CSMD3: variants seen among roughly 807,000 people sequenced by gnomAD.
CSMD3 encodes CUB and sushi domain-containing protein 3.
CSMD3 carries 177 observed loss-of-function variants against 435.2 expected under a neutral mutation model. The observed-to-expected ratio is 0.41, with a 90% confidence interval of 0.36 to 0.46. The LOEUF is 0.46. Among genes scored for constraint, CSMD3 ranks in the 20% least tolerant of loss-of-function variants. The pLI, the probability that CSMD3 is intolerant of heterozygous loss-of-function variation, is 0.34. For synonymous variants in CSMD3, 1,656 were observed against 1,520.5 expected, an observed-to-expected ratio of 1.09 and a Z score of -2.07; for missense variants, 4,265 against 4,504.6, an observed-to-expected ratio of 0.95 and a Z score of 1.52.
At chr8:112,637,807 T>G (rs1346649032) in intron 21 of CSMD3, among the ~76,000 whole-genome samples, 9 of 152,114 alleles carry the variant, frequency 5.9e-5, no homozygotes, top group South Asian at 4.1e-4. Context: ...TTTTTAACAT[T>G]CTAGGTTATG....
intron 32 of CSMD3, among the ~76,000 whole-genome samples, chr8:112,468,680 C>G (rs1818218172): frequency 6.6e-6 from 1 of 151,618 alleles, no homozygotes; most frequent in Admixed American, 6.6e-5. Context: ...TCTTAGGCAA[C>G]TAAACCATAA....
chr8:112,226,974 G>T (rs1812630884), intron 70 of CSMD3, among the ~76,000 whole-genome samples: 1 of 152,152 alleles, frequency 6.6e-6, no homozygotes. Flanking sequence ...TTGCCGATAG[G>T]AATGGAAAAT....
At chr8:112,348,444 A>T (rs920549497) in intron 40 of CSMD3, among the ~76,000 whole-genome samples, 1 of 152,178 alleles carries the variant, frequency 6.6e-6, no homozygotes, top group Non-Finnish European at 1.5e-5. Context: ...TTGTTATCTG[A>T]TGACTAGTGT....
chr8:112,521,494 C>G (rs902094178), intron 27 of CSMD3, among the ~76,000 whole-genome samples: 2 of 151,792 alleles, frequency 1.3e-5, no homozygotes, highest in African/African-American at 4.8e-5. Flanking sequence ...TTCTTTCTGG[C>G]TTATTTGCTG....
intron 7 of CSMD3, among the ~76,000 whole-genome samples, chr8:112,968,626 T>C (rs1361485103): frequency 2.0e-5 from 3 of 151,980 alleles, no homozygotes; most frequent in Non-Finnish European, 4.4e-5. Context: ...TTTTACCTCA[T>C]CCTTCCTCAC....
intron 5 of CSMD3, among the ~76,000 whole-genome samples, chr8:113,056,815 T>C (rs1187690107): frequency 6.6e-6 from 1 of 152,186 alleles, no homozygotes; most frequent in African/African-American, 2.4e-5. Context: ...GCCAAAGCAT[T>C]TTTTATAACC....
At chr8:113,131,057 C>A (rs1002178966) in intron 4 of CSMD3, among the ~76,000 whole-genome samples, 1 of 152,048 alleles carries the variant, frequency 6.6e-6, no homozygotes, top group Non-Finnish European at 1.5e-5. Flanking sequence ...AAAGTGTATG[C>A]TCATACACAT....
intron 32 of CSMD3, among the ~76,000 whole-genome samples, chr8:112,423,131 T>C (rs1043604254): frequency 2.6e-5 from 4 of 152,122 alleles, no homozygotes; most frequent in African/African-American, 9.7e-5. Context: ...GACTTTCCTT[T>C]GATAGTTATT....
At chr8:113,049,793 A>G (rs1365497519) in intron 5 of CSMD3, among the ~76,000 whole-genome samples, 1 of 152,238 alleles carries the variant, frequency 6.6e-6, no homozygotes, top group Non-Finnish European at 1.5e-5. Flanking sequence ...TTTATAATTC[A>G]TATAAATATT....
At chr8:112,776,423 T>C (rs1377238829) in intron 13 of CSMD3, among the ~76,000 whole-genome samples, 1 of 151,760 alleles carries the variant, frequency 6.6e-6, no homozygotes, top group African/African-American at 2.4e-5. Context: ...GACTAAGATT[T>C]AGGCAACAAG....
chr8:113,025,209 C>T (rs1328115755), intron 5 of CSMD3, among the ~76,000 whole-genome samples: 1 of 152,106 alleles, frequency 6.6e-6, no homozygotes, highest in East Asian at 1.9e-4. Context: ...ATGCGTATAT[C>T]TGTGCATCTG....
intron 13 of CSMD3, among the ~76,000 whole-genome samples, chr8:112,729,879 C>T (rs1408958974): frequency 1.3e-5 from 2 of 152,100 alleles, no homozygotes; most frequent in Non-Finnish European, 1.5e-5. Flanking sequence ...TGTCAGATTT[C>T]AAACTTTTTG....
intron 32 of CSMD3, among the ~76,000 whole-genome samples, chr8:112,436,145 A>G (rs1189662658): frequency 2.0e-5 from 3 of 151,966 alleles, no homozygotes; most frequent in African/African-American, 7.2e-5. Context: ...GATTAGTTAC[A>G]AAATTGAACT....
rs990396744 is a variant in CSMD3, at chr8:112,387,017, C to T, written c.5935-3354G>A. Reference sequence around the variant, plus strand: ...TAAATTGATACAATAATGTAGCCAACATATTTTCCCCCATGGCTTATTACA... The same window carrying T: ...TAAATTGATACAATAATGTAGCCAATATATTTTCCCCCATGGCTTATTACA... On this transcript the variant is annotated intron_variant, in intron 36 of 70. Coordinates refer to ENST00000297405, the MANE Select transcript of CSMD3 (RefSeq NM_198123.2). Among the ~76,000 whole-genome samples the T allele has an allele frequency of 3.9e-5, 6 of 152,162 alleles. No homozygotes were observed. The South Asian group carries it at 1.2e-3, about 32-fold the overall frequency.
chr8:113,066,779 A>T (rs2088878073), intron 5 of CSMD3, among the ~76,000 whole-genome samples: 1 of 152,068 alleles, frequency 6.6e-6, no homozygotes, highest in African/African-American at 2.4e-5. Flanking sequence ...CTCTAACATC[A>T]TGGACTATCT....
chr8:112,929,339 G>A (rs1157562319), intron 9 of CSMD3, among the ~76,000 whole-genome samples: 2 of 149,474 alleles, frequency 1.3e-5, no homozygotes, highest in Admixed American at 6.7e-5. Context: ...TAACTAACCT[G>A]CACAATGTGC....
At chr8:112,782,538 A>G (rs1201702930) in intron 13 of CSMD3, among the ~76,000 whole-genome samples, 1 of 152,140 alleles carries the variant, frequency 6.6e-6, no homozygotes, top group East Asian at 1.9e-4. Flanking sequence ...CAAAGGGATA[A>G]AAACAAAGAA....
intron 30 of CSMD3, among the ~76,000 whole-genome samples, chr8:112,495,642 G>A (rs1389139564): frequency 6.6e-6 from 1 of 151,994 alleles, no homozygotes; most frequent in Non-Finnish European, 1.5e-5. Context: ...AAAACACCTG[G>A]AGAATACTTA....
intron 5 of CSMD3, among the ~76,000 whole-genome samples, chr8:113,024,100 C>T (rs72683846): frequency 0.022 from 3,403 of 152,216 alleles, 59 homozygotes; most frequent in South Asian, 0.031. Context: ...TCTCTGGTAA[C>T]CACTGTTCTA....
Sources: gnomAD v4.1 joint callset for allele counts (sites outside exome capture counted in the v4.1 genomes callset) on GRCh38, gnomAD v4.1.1 for gene constraint, MANE v1.5 for transcripts, NCBI Gene and HGNC (gene_info 2026-07-23, HGNC 2026-07-21) for gene names.